Variants in PIK3R2 observed in about 807,000 individuals in gnomAD.
PIK3R2 encodes the protein phosphatidylinositol 3-kinase regulatory subunit beta.
PIK3R2 carries 40 observed loss-of-function variants against 78.5 expected under a neutral mutation model. The ratio of observed to expected loss-of-function variants is 0.51; its 90% CI spans 0.40 to 0.66. PIK3R2 has a LOEUF of 0.66. PIK3R2 is among the 30% of genes least tolerant of loss of function. PIK3R2 has a pLI of 0.00. For synonymous variants in PIK3R2, 473 were observed against 457.7 expected, an observed-to-expected ratio of 1.03 and a Z score of -0.43; for missense variants, 880 against 1,026.6, an observed-to-expected ratio of 0.86 and a Z score of 1.95.
chr19:18,154,682 A>G (rs2043658921), intron 1 of PIK3R2, among the ~76,000 whole-genome samples: 1 of 152,022 alleles, frequency 6.6e-6, no homozygotes, highest in Non-Finnish European at 1.5e-5. Flanking sequence ...AAGTCGGCAG[A>G]TCTAGGTGTA....
At chr19:18,153,731 C>T (rs2043647466) in intron 1 of PIK3R2, among the ~76,000 whole-genome samples, 1 of 152,182 alleles carries the variant, frequency 6.6e-6, no homozygotes, top group East Asian at 1.9e-4. Flanking sequence ...TCAGGCCCTG[C>T]CTTCACCCGC....
In PIK3R2 at chr19:18,169,235, G is replaced by A. The variant is rs1463551736; in HGVS notation, c.2128G>A (p.Val710Ile). 3 of 1,592,480 alleles carry A rather than the reference G, an allele frequency of 1.9e-6. No homozygotes were observed. Among genetic ancestry groups the A allele is most frequent in the South Asian group, 1.1e-5 (1 of 90,094 alleles). ...SLVQHNDALT[V>I]TLAHPVRAPG... is the part of the protein sequence containing the mutation. ...GGTGCAGCACAACGACGCGCTCACC[G>A]TCACCCTGGCGCACCCAGTGCGCGC... The change falls in exon 16 of 16, where the codon GTC becomes ATC. Residue 710 changes from valine (V) to isoleucine (I), a missense_variant. Physicochemically the swap from Val to Ile is conservative, Grantham distance 29 (BLOSUM62 3). Around this residue, in one of 3 missense-constraint regions of PIK3R2, gnomAD observed 268 missense variants for 299.1 expected, o/e 0.90. Transcript: ENST00000222254.
Position 18,161,478 on chromosome 19 carries a change from A to AG in PIK3R2, c.803dup (p.Ala269ArgfsTer6). On this transcript the variant is annotated frameshift_variant, in exon 6 of 16. Transcript: ENST00000222254. LOFTEE classifies it high-confidence loss of function. This position sits in a 1 kb window ranked among gnomAD's most constrained non-coding sequence, Gnocchi z 5.3. ...CGCCGCCGCCGTCCTCGCCGCCGCC[A>AG]GGGGGCGCTCCCGACGGGTGAGGGG... The AG allele has an allele frequency of 2.8e-6, 3 of 1,087,680 alleles. No homozygotes were observed. The highest frequency in any genetic ancestry group is 3.3e-6 in the Non-Finnish European group (3 of 901,654). The allele number at this position is 1,087,680 out of a possible 1,614,324, so 67.4% of individuals were successfully genotyped here.
rs1156785516 is a variant in PIK3R2 at position 18,167,052 on chromosome 19, C to T, written c.1560-78C>T. The T allele has an allele frequency of 6.1e-6, 8 of 1,318,394 alleles. No individual in the cohort carries two copies. The highest frequency in any genetic ancestry group is 1.5e-5 in the African/African-American group (1 of 65,548). 81.7% of individuals were successfully genotyped at this position (1,318,394 alleles called of 1,614,324 possible). A position where few individuals can be genotyped will look rare whatever the true frequency, so the allele number is the denominator to read the frequency against. The stretch of plus-strand genomic sequence containing the variant: ...TCGGGAGGCTGAGGTAGGAGGGTCA[C>T]CTGAGCCCAGGAGTTTGAGGGTGCA... On this transcript the variant is annotated intron_variant, in intron 12 of 15. Coordinates refer to ENST00000222254, the MANE Select transcript of PIK3R2 (RefSeq NM_005027.4). This position sits in a 1 kb window ranked among gnomAD's most constrained non-coding sequence, Gnocchi z 4.5.
chr19:18,166,235 CAA>C lies in PIK3R2; in HGVS notation c.1493_1494del (p.Gln498ArgfsTer14), dbSNP rs2043808769. 3 of 1,613,976 alleles carry C rather than the reference CAA, an allele frequency of 1.9e-6. No homozygotes were observed. Among genetic ancestry groups the C allele is most frequent in the South Asian group, 1.1e-5 (1 of 91,078 alleles). ...IKIFEEQGQT[Q>X]EKCSKEYLER... ...GATCTTTGAAGAGCAGGGCCAGACTCAAGAGAAATGCAGCAAGGAATACCTGG... is the reference window on the plus strand; with the variant it reads ...GATCTTTGAAGAGCAGGGCCAGACTCGAGAAATGCAGCAAGGAATACCTGG... On this transcript the variant is annotated frameshift_variant, in exon 12 of 16. Coordinates refer to ENST00000222254, the MANE Select transcript of PIK3R2 (RefSeq NM_005027.4). LOFTEE classifies it high-confidence loss of function.
At chr19:18,160,654 G>A (rs910777068) in intron 3 of PIK3R2, 91 bp downstream of exon 3, 3 of 1,078,160 alleles carry the variant, frequency 2.8e-6, no homozygotes, top group Non-Finnish European at 4.2e-6. Flanking sequence ...CCAAGCTCAT[G>A]CTGCACGGAA....
At chr19:18,159,480 C>CA (rs1431403833) in intron 2 of PIK3R2, among the ~76,000 whole-genome samples, 1 of 152,022 alleles carries the variant, frequency 6.6e-6, no homozygotes, top group Non-Finnish European at 1.5e-5. Flanking sequence ...CTCACTCTGT[C>CA]ACCCAGACTG....
intron 2 of PIK3R2, among the ~76,000 whole-genome samples, chr19:18,159,827 C>T (rs1027998529): frequency 2.0e-5 from 3 of 152,028 alleles, no homozygotes; most frequent in Non-Finnish European, 4.4e-5. Flanking sequence ...CTGCAACCTC[C>T]GCCTCCCGGG....
intron 3 of PIK3R2, 100 bp downstream of exon 3, chr19:18,160,663 A>C: frequency 1.9e-6 from 2 of 1,027,102 alleles, no homozygotes; most frequent in Non-Finnish European, 3.0e-6. Flanking sequence ...TGCTGCACGG[A>C]AACAGGCTGA....
At position 18,168,738 on chromosome 19, in the gene PIK3R2, C is replaced by T; in HGVS notation, c.1821C>T (p.Leu607=). ...CCCCCCACCCCAGCCAGTACGCACTCATGGAGGACGAGGACGATCTCCCGC... is the reference window on the plus strand; with the variant it reads ...CCCCCCACCCCAGCCAGTACGCACTTATGGAGGACGAGGACGATCTCCCGC... The part of the protein sequence containing the change: ...IKNETEDQYA[L]MEDEDDLPHH... Residue 607 remains leucine, a synonymous_variant, in exon 15 of 16, where the codon CTC becomes CTT. Transcript: ENST00000222254. This position sits in a 1 kb window ranked among gnomAD's most constrained non-coding sequence, Gnocchi z 4.1. The T allele has an allele frequency of 1.2e-6, 2 of 1,611,490 alleles. No homozygotes were observed. Among genetic ancestry groups the T allele is most frequent in the Non-Finnish European group, 8.5e-7 (1 of 1,178,086 alleles).
chr19:18,154,727 T>C (rs1021272145), intron 1 of PIK3R2, among the ~76,000 whole-genome samples: 1 of 151,956 alleles, frequency 6.6e-6, no homozygotes, highest in Admixed American at 6.6e-5. Flanking sequence ...TGCACGGCCC[T>C]AGATACCTCC....
At chr19:18,154,793 C>T (rs1324520859) in intron 1 of PIK3R2, among the ~76,000 whole-genome samples, 4 of 148,982 alleles carry the variant, frequency 2.7e-5, no homozygotes, top group African/African-American at 9.8e-5. Flanking sequence ...AGCCTGTTTA[C>T]TGGCCGGGCG....
At chr19:18,153,674 C>T (rs2043646273) in intron 1 of PIK3R2, among the ~76,000 whole-genome samples, 1 of 152,172 alleles carries the variant, frequency 6.6e-6, no homozygotes, top group Non-Finnish European at 1.5e-5. Flanking sequence ...GTCCCCTAGC[C>T]GGGTGGCCGG....
In PIK3R2 at chr19:18,155,900, C is replaced by T. The variant is rs1392617246; in HGVS notation, c.21C>T (p.Phe7=). The change falls in exon 2 of 16, where the codon TTC becomes TTT. Residue 7 remains phenylalanine, a synonymous_variant. Coordinates refer to ENST00000222254, the MANE Select transcript of PIK3R2 (RefSeq NM_005027.4). ...CGGCCATGGCGGGCCCTGAGGGCTT[C>T]CAGTACCGCGCTCTGTACCCGTTCC... MAGPEG[F]QYRALYPFRR... 2 of 1,558,236 alleles carry T rather than the reference C, an allele frequency of 1.3e-6. No individual in the cohort carries two copies. Among genetic ancestry groups the T allele is most frequent in the Non-Finnish European group, 1.7e-6 (2 of 1,151,510 alleles).
intron 11 of PIK3R2, among the ~76,000 whole-genome samples, 162 bp downstream of exon 11, chr19:18,163,550 G>A (rs1241259289): frequency 6.6e-6 from 1 of 152,176 alleles, no homozygotes; most frequent in Non-Finnish European, 1.5e-5. Flanking sequence ...ATAGAAATAA[G>A]GCCAGGCACA....
At position 18,156,334 on chromosome 19, in the gene PIK3R2, C is replaced by A; in HGVS notation, c.322+133C>A. On this transcript the variant is annotated intron_variant, in intron 2 of 15. Transcript: ENST00000222254. This position sits in a 1 kb window ranked among gnomAD's most constrained non-coding sequence, Gnocchi z 4.2. ...CATTTGGTCATTTGACAAGTGTCTT[C>A]AGTGCTAGGCTCAGCAGTGGACACA... 1.4e-6 allele frequency: 1 copy of A among 691,604 alleles called. No homozygotes were observed. The highest frequency in any genetic ancestry group is 2.2e-6 in the Non-Finnish European group (1 of 450,374). 42.8% of individuals were successfully genotyped at this position (691,604 alleles called of 1,614,324 possible).
Position 18,168,601 on chromosome 19 carries a change from TG to T in PIK3R2, c.1808+59del. The T allele has an allele frequency of 2.4e-6, 2 of 850,386 alleles. No individual in the cohort carries two copies. The highest frequency in any genetic ancestry group is 4.1e-6 in the Non-Finnish European group (2 of 486,178). 52.7% of individuals were successfully genotyped at this position (850,386 alleles called of 1,614,324 possible). A position where few individuals can be genotyped will look rare whatever the true frequency, so the allele number is the denominator to read the frequency against. Reference sequence around the variant, plus strand: ...GGGCTTCCCAGAGGAGGGGGCCATTTGGGGTGGGTTTCGAAGAATGAGTAGG... The same window carrying T: ...GGGCTTCCCAGAGGAGGGGGCCATTTGGGTGGGTTTCGAAGAATGAGTAGG... On this transcript the variant is annotated intron_variant, in intron 14 of 15. Transcript: ENST00000222254. This position sits in a 1 kb window ranked among gnomAD's most constrained non-coding sequence, Gnocchi z 4.1.
rs1231538249 is a variant in PIK3R2, at chr19:18,160,873, C to T, written c.416-46C>T. The T allele has an allele frequency of 4.4e-6, 7 of 1,575,674 alleles. No homozygotes were observed. The South Asian group carries it at 4.6e-5, about 10-fold the overall frequency. Reference sequence around the variant, plus strand: ...GCGGCCAGTCCAGGCCTCACGAGGTCGGGGCAGCATTTGAGAGCTGACTCG... The same window carrying T: ...GCGGCCAGTCCAGGCCTCACGAGGTTGGGGCAGCATTTGAGAGCTGACTCG... On this transcript the variant is annotated intron_variant, in intron 3 of 15. Transcript: ENST00000222254.
intron 1 of PIK3R2, among the ~76,000 whole-genome samples, chr19:18,155,196 C>A (rs200923036): frequency 3.8e-3 from 420 of 109,118 alleles, no homozygotes; most frequent in Middle Eastern, 4.4e-3. Context: ...GACTCTATCT[C>A]AAAAAAAAAA....
Sources: allele counts gnomAD v4.1 joint callset (sites outside exome capture counted in the v4.1 genomes callset), GRCh38; gene constraint gnomAD v4.1.1; regional missense constraint gnomAD v4.1.1; non-coding constraint Gnocchi (gnomAD v3.1); transcripts MANE v1.5; gene names NCBI Gene and HGNC (gene_info 2026-07-23, HGNC 2026-07-21).